The following ZNF679 variants were observed in gnomAD, a reference collection of about 807,000 sequenced individuals.
ZNF679 encodes zinc finger protein 679, also known as hypothetical protein MGC42415.
In ZNF679, 10 loss-of-function variants were observed where a neutral mutation model predicts 13.4. The observed-to-expected ratio is 0.75, with a 90% confidence interval of 0.46 to 1.27. The LOEUF is 1.27. Among genes scored for constraint, ZNF679 ranks in the 50% most tolerant of loss-of-function variants. The pLI is 0.00. For synonymous variants in ZNF679, 179 were observed against 162.5 expected, an observed-to-expected ratio of 1.10 and a Z score of -0.77; for missense variants, 525 against 477.8, an observed-to-expected ratio of 1.10 and a Z score of -0.92.
intron 1 of ZNF679, among the ~76,000 whole-genome samples, chr7:64,235,882 T>G (rs552325918): frequency 1.3e-5 from 2 of 150,008 alleles, no homozygotes; most frequent in East Asian, 3.9e-4. Context: ...CAGAGATAGA[T>G]TTCATAGATA....
Position 64,249,132 on chromosome 7 carries a change from G to C in ZNF679, c.15G>C (p.Pro5=), listed in dbSNP as rs746179983. Reference sequence around the variant, plus strand: ...TCCGCAGATTTATGGCTAAAAGACCGGGATCCCCTGGAAGCCGAGAAATGG... The same window carrying C: ...TCCGCAGATTTATGGCTAAAAGACCCGGATCCCCTGGAAGCCGAGAAATGG... MAKR[P]GSPGSREMGL... is the part of the protein sequence containing the mutation. The change falls in exon 2 of 5, where the codon CCG becomes CCC. Residue 5 remains proline, a synonymous_variant. Coordinates refer to ENST00000421025, the MANE Select transcript of ZNF679 (RefSeq NM_153363.3). 1 of 1,614,110 alleles carries C rather than the reference G, an allele frequency of 6.2e-7. No homozygotes were observed. The highest frequency in any genetic ancestry group is 8.5e-7 in the Non-Finnish European group (1 of 1,180,012).
At chr7:64,252,999 A>G (rs1219357628) in intron 2 of ZNF679, among the ~76,000 whole-genome samples, 2 of 152,204 alleles carry the variant, frequency 1.3e-5, no homozygotes, top group Non-Finnish European at 2.9e-5. Flanking sequence ...ATTACAGGCA[A>G]GAGCCACTGC....
At chr7:64,257,966 T>C (rs550797807) in intron 2 of ZNF679, among the ~76,000 whole-genome samples, 7 of 152,264 alleles carry the variant, frequency 4.6e-5, no homozygotes, top group East Asian at 3.9e-4. Context: ...ATTTATAAAC[T>C]TGAGGGGTTC....
At chr7:64,241,783 C>A (rs1584227842) in intron 1 of ZNF679, among the ~76,000 whole-genome samples, 1 of 152,282 alleles carries the variant, frequency 6.6e-6, no homozygotes, top group African/African-American at 2.4e-5. Context: ...GTAATTTCTC[C>A]TGAGGACAGG....
In ZNF679 at chr7:64,266,623, C is replaced by T. The variant is rs757855177; in HGVS notation, c.990C>T (p.Gly330=). 3.7e-6 allele frequency: 6 copies of T among 1,610,456 alleles called. No homozygotes were observed. In the South Asian group the frequency reaches 5.5e-5, roughly 15 times the overall value. ...AACCCTACACATGTGAAGAATGTGG[C>T]AAAGCCTTTAACTGCTCCTCAACCC... ...GEKPYTCEEC[G]KAFNCSSTLK... The change falls in exon 5 of 5, where the codon GGC becomes GGT. Residue 330 remains glycine (G), a synonymous_variant. Transcript: ENST00000421025.
At chr7:64,262,294 A>G (rs1257165959) in intron 4 of ZNF679, among the ~76,000 whole-genome samples, 3 of 152,186 alleles carry the variant, frequency 2.0e-5, no homozygotes, top group African/African-American at 7.2e-5. Flanking sequence ...CTGTCACACT[A>G]TTAAATGTGT....
intron 1 of ZNF679, among the ~76,000 whole-genome samples, chr7:64,235,737 C>G (rs1051574392): frequency 6.6e-6 from 1 of 150,708 alleles, no homozygotes; most frequent in Non-Finnish European, 1.5e-5. Flanking sequence ...TGCCATGAGC[C>G]GAGATCATGC....
At chr7:64,249,573 T>C (rs998124941) in intron 2 of ZNF679, among the ~76,000 whole-genome samples, 12 of 152,140 alleles carry the variant, frequency 7.9e-5, no homozygotes, top group Non-Finnish European at 1.8e-4. Context: ...ACTGTAAAAA[T>C]ATTAGACAAT....
At chr7:64,244,723 G>C (rs1461220657) in intron 1 of ZNF679, among the ~76,000 whole-genome samples, 2 of 152,186 alleles carry the variant, frequency 1.3e-5, no homozygotes, top group African/African-American at 2.4e-5. Context: ...ATTGAACCCT[G>C]AACTCGGGCT....
intron 1 of ZNF679, among the ~76,000 whole-genome samples, chr7:64,240,206 A>G (rs1880569): frequency 0.3 from 45,583 of 152,070 alleles, 7,641 homozygotes; most frequent in East Asian, 0.48. Context: ...CAATCATAAA[A>G]GTGATGTGTC....
chr7:64,231,574 A>C (rs1176603107), intron 1 of ZNF679, among the ~76,000 whole-genome samples: 1 of 152,224 alleles, frequency 6.6e-6, no homozygotes, highest in Non-Finnish European at 1.5e-5. Flanking sequence ...AATATGTCAC[A>C]ATCTTCAGTG....
intron 2 of ZNF679, among the ~76,000 whole-genome samples, chr7:64,251,284 T>C (rs1205626234): frequency 6.6e-6 from 1 of 151,964 alleles, no homozygotes; most frequent in Non-Finnish European, 1.5e-5. Flanking sequence ...AAACCCCATC[T>C]CTACTAAAAA....
chr7:64,257,729 G>C (rs1343198842), intron 2 of ZNF679, among the ~76,000 whole-genome samples: 1 of 152,154 alleles, frequency 6.6e-6, no homozygotes, highest in Non-Finnish European at 1.5e-5. Flanking sequence ...TAATATTTCA[G>C]GGTGGAGATT....
intron 1 of ZNF679, among the ~76,000 whole-genome samples, chr7:64,230,558 A>G (rs1165816695): frequency 2.0e-5 from 3 of 151,364 alleles, no homozygotes; most frequent in African/African-American, 4.8e-5. Context: ...AAAAAAAAAG[A>G]AAAAGAAAAG....
chr7:64,236,953 GAAA>G (rs1787728826), intron 1 of ZNF679, among the ~76,000 whole-genome samples: 2 of 60,304 alleles, frequency 3.3e-5, no homozygotes, highest in African/African-American at 1.8e-4. Context: ...AAGAAAGAAA[GAAA>G]GAAAGAAAGA....
chr7:64,232,539 G>A (rs1272356225), intron 1 of ZNF679, among the ~76,000 whole-genome samples: 2 of 152,202 alleles, frequency 1.3e-5, no homozygotes, highest in African/African-American at 4.8e-5. Context: ...CGTTACCTTG[G>A]TTCTGTGCCA....
rs1354667019 is a variant in ZNF679 at position 64,260,817 on chromosome 7, T to C, written c.167-17T>C. 1 of 1,592,902 alleles carries C rather than the reference T, an allele frequency of 6.3e-7. No individual in the cohort carries two copies. The highest frequency in any genetic ancestry group is 1.1e-5 in the South Asian group (1 of 87,014). ...ATTCAGCAAGATTTATGTTACTTTTTTTTCTTAATAAAACAGGTATTGCTG... is the reference window on the plus strand; with the variant it reads ...ATTCAGCAAGATTTATGTTACTTTTCTTTCTTAATAAAACAGGTATTGCTG... On this transcript the variant is annotated splice_polypyrimidine_tract_variant and intron_variant, in intron 3 of 4. Transcript: ENST00000421025.
chr7:64,265,919 G>C lies in ZNF679; in HGVS notation c.286G>C (p.Asp96His). The change falls in exon 5 of 5, where the codon GAC (aspartate) becomes CAC (histidine). Residue 96 changes from aspartate (D) to histidine (H), a missense_variant. Transcript: ENST00000421025. The stretch of plus-strand genomic sequence containing the variant: ...AGTTATGTGTTCTCATTTCACCCAA[G>C]ACCTTCCGCCAGAGCTAGGCATAAA... ...HPVMCSHFTQ[D>H]LPPELGIKDS... is the part of the protein sequence containing the mutation. 2 of 1,613,636 alleles carry C rather than the reference G, an allele frequency of 1.2e-6. No individual in the cohort carries two copies. Among genetic ancestry groups the C allele is most frequent in the Non-Finnish European group, 1.7e-6 (2 of 1,179,788 alleles).
chr7:64,236,973 GAA>G (rs57420349), intron 1 of ZNF679, among the ~76,000 whole-genome samples: 20,375 of 53,252 alleles, frequency 0.38, 3,199 homozygotes, highest in East Asian at 0.54. Context: ...AAGAAAGAAA[GAA>G]AAAGAAAGAA....
Sources: allele counts gnomAD v4.1 joint callset (sites outside exome capture counted in the v4.1 genomes callset), GRCh38; gene constraint gnomAD v4.1.1; transcripts MANE v1.5; gene names NCBI Gene and HGNC (gene_info 2026-07-23, HGNC 2026-07-21).